CYB5R3: variants seen among roughly 807,000 people sequenced by gnomAD.
The protein encoded by CYB5R3 is NADH-cytochrome b5 reductase 3.
Under a neutral mutation model 36.5 loss-of-function variants are expected in CYB5R3, and 28 were observed. The ratio of observed to expected loss-of-function variants is 0.77; its 90% CI spans 0.57 to 1.05. CYB5R3 has a LOEUF of 1.05. Among genes scored for constraint, CYB5R3 ranks in the 50% least tolerant of loss-of-function variants. The pLI, the probability that CYB5R3 is intolerant of heterozygous loss-of-function variation, is 0.00. For synonymous variants in CYB5R3, 181 were observed against 159.8 expected, an observed-to-expected ratio of 1.13 and a Z score of -1.00; for missense variants, 474 against 408.9, an observed-to-expected ratio of 1.16 and a Z score of -1.37.
intron 2 of CYB5R3, among the ~76,000 whole-genome samples, chr22:42,635,411 C>T (rs1446220698): frequency 2.0e-5 from 3 of 151,512 alleles, no homozygotes; most frequent in Admixed American, 6.6e-5. Context: ...GCCTAATTTT[C>T]GTATTGTTAG....
At chr22:42,630,744 A>G in intron 4 of CYB5R3, 138 bp downstream of exon 4, 1 of 747,328 alleles carries the variant, frequency 1.3e-6, no homozygotes, top group Admixed American at 2.1e-5. Flanking sequence ...CAAGCCCCTG[A>G]GGAAGTGGGG....
At chr22:42,648,550 G>C (rs939372140) in intron 1 of CYB5R3, among the ~76,000 whole-genome samples, 7 of 152,076 alleles carry the variant, frequency 4.6e-5, no homozygotes, top group African/African-American at 9.7e-5. Context: ...GGCTCCTTCC[G>C]GCGGCAGCGT....
Position 42,619,486 on chromosome 22 carries a change from G to GT in CYB5R3, c.*286_*287insA. 2.1e-6 allele frequency: 1 copy of GT among 483,030 alleles called. No homozygotes were observed. Among genetic ancestry groups the GT allele is most frequent in the Non-Finnish European group, 3.8e-6 (1 of 264,648 alleles). 29.9% of individuals were successfully genotyped at this position (483,030 alleles called of 1,614,324 possible). A position where few individuals can be genotyped will look rare whatever the true frequency, so the allele number is the denominator to read the frequency against. ...AGCCCTCAGCCTTATAGTGTGTGTG[G>GT]GGGGTGGACGAGGGGTCATGAGGAC... On this transcript the variant is annotated 3_prime_UTR_variant, in exon 9 of 9. Transcript: ENST00000352397.
At chr22:42,636,923 G>A in intron 1 of CYB5R3, 77 bp from the exon 2 acceptor site, 2 of 1,565,724 alleles carry the variant, frequency 1.3e-6, no homozygotes, top group Non-Finnish European at 8.6e-7. Flanking sequence ...ACACTACCAG[G>A]CCTCTGCTCA....
intron 1 of CYB5R3, chr22:42,639,713 G>T (rs531773805): frequency 2.3e-5 from 10 of 432,848 alleles, no homozygotes; most frequent in South Asian, 6.3e-5. Context: ...CTGTGGTTAC[G>T]CAAAGGAATG....
chr22:42,627,752 T>A, intron 5 of CYB5R3, 64 bp from the exon 6 acceptor site: 1 of 1,270,000 alleles, frequency 7.9e-7, no homozygotes, highest in Non-Finnish European at 1.2e-6. Flanking sequence ...CTGGAGAGGC[T>A]GGAGAGGGGG....
At chr22:42,645,040 C>T (rs956537783) in intron 1 of CYB5R3, among the ~76,000 whole-genome samples, 5 of 152,164 alleles carry the variant, frequency 3.3e-5, no homozygotes, top group African/African-American at 1.2e-4. Context: ...TTTCCCACTT[C>T]CCTCCCTTGC....
At chr22:42,639,736 G>C (rs1408178937) in intron 1 of CYB5R3, 6 of 520,126 alleles carry the variant, frequency 1.2e-5, no homozygotes, top group Non-Finnish European at 2.0e-5. Flanking sequence ...CTTGTTCTTA[G>C]GAGATACACA....
intron 2 of CYB5R3, among the ~76,000 whole-genome samples, chr22:42,635,136 A>G (rs1453584129): frequency 6.6e-6 from 1 of 151,960 alleles, no homozygotes; most frequent in Admixed American, 6.6e-5. Flanking sequence ...CGCCTGGCTA[A>G]TTTTTTGTAT....
intron 1 of CYB5R3, chr22:42,640,407 C>CTCA (rs1929194652): frequency 3.4e-6 from 2 of 585,350 alleles, no homozygotes; most frequent in African/African-American, 3.8e-5. Flanking sequence ...GAGATGGAGT[C>CTCA]TCACTCTATC....
rs1928920788 is a variant in CYB5R3 at position 42,636,800 on chromosome 22, A to G, written c.68T>C (p.Leu23Pro). Residue 23 changes from leucine to proline, a missense_variant, in exon 2 of 9, where the codon CTC becomes CCC. Coordinates refer to ENST00000352397, the MANE Select transcript of CYB5R3 (RefSeq NM_000398.7). Reference protein sequence around the residue: ...LFPVWFLYSLLMKLFQRSTPA... With the variant: ...LFPVWFLYSLPMKLFQRSTPA... ...CGTGGAGCGCTGGAACAGCTTCATG[A>G]GCAGACTGTACAGGAACCAGACTGG... 1.2e-6 allele frequency: 2 copies of G among 1,613,876 alleles called. No homozygotes were observed. Among genetic ancestry groups the G allele is most frequent in the Non-Finnish European group, 1.7e-6 (2 of 1,180,024 alleles).
chr22:42,627,456 A>C (rs931190191), intron 6 of CYB5R3, 67 bp from the exon 7 acceptor site: 7 of 1,548,704 alleles, frequency 4.5e-6, no homozygotes, highest in Non-Finnish European at 6.2e-6. Context: ...CGCCCCGCCC[A>C]GGTGTACTGG....
chr22:42,639,117 G>A (rs962175220), intron 1 of CYB5R3: 2 of 405,788 alleles, frequency 4.9e-6, no homozygotes, highest in Non-Finnish European at 4.8e-6. Flanking sequence ...ATTACTTGAG[G>A]TCAGAAGTTC....
rs376776418 is a variant in CYB5R3, at chr22:42,640,192, G to A, written c.22-3346C>T. 4.3e-5 allele frequency: 69 copies of A among 1,609,208 alleles called. No individual in the cohort carries two copies. In the African/African-American group the frequency reaches 7.6e-4, roughly 18 times the overall value. On this transcript the variant is annotated intron_variant, in intron 1 of 8. Coordinates refer to ENST00000352397, the MANE Select transcript of CYB5R3 (RefSeq NM_000398.7). ...AACCGTGGTGTAGTACCAAAATGCG[G>A]CCAATCGAGGCTTCAAGTAAGTCAC...
At chr22:42,648,258 C>T (rs1440939766) in intron 1 of CYB5R3, among the ~76,000 whole-genome samples, 1 of 143,386 alleles carries the variant, frequency 7.0e-6, no homozygotes, top group Admixed American at 7.1e-5. Context: ...AGGTGCCCTC[C>T]AAGTGGCAGA....
chr22:42,644,549 A>G, intron 1 of CYB5R3: 1 of 1,502,660 alleles, frequency 6.7e-7, no homozygotes, highest in Non-Finnish European at 9.0e-7. Context: ...TTCCCTGATG[A>G]GCCCTTCCCT....
At chr22:42,639,661 TAGATA>T (rs1377855880) in intron 1 of CYB5R3, 1 of 271,474 alleles carries the variant, frequency 3.7e-6, no homozygotes. Context: ...GCTTGTGGAT[TAGATA>T]ATAGTGTTGT....
chr22:42,631,353 T>G, intron 3 of CYB5R3, 25 bp downstream of exon 3: 1 of 1,548,586 alleles, frequency 6.5e-7, no homozygotes, highest in South Asian at 1.2e-5. Flanking sequence ...GGGCTCCGAA[T>G]GGGCCCAGCA....
chr22:42,621,835 T>G (rs1160516364), intron 8 of CYB5R3, among the ~76,000 whole-genome samples: 7 of 152,366 alleles, frequency 4.6e-5, no homozygotes, highest in African/African-American at 1.4e-4. Flanking sequence ...CGCAGCAAGC[T>G]GGCCCCGCCC....
Sources: gnomAD v4.1 joint callset for allele counts (sites outside exome capture counted in the v4.1 genomes callset) on GRCh38, gnomAD v4.1.1 for gene constraint, MANE v1.5 for transcripts, NCBI Gene and HGNC (gene_info 2026-07-23, HGNC 2026-07-21) for gene names.